The following PTPRD variants were observed in gnomAD, a reference collection of about 807,000 sequenced individuals.
PTPRD encodes the protein protein tyrosine phosphatase receptor type D.
A neutral mutation model predicts 214.5 loss-of-function variants in PTPRD; 34 were observed. The ratio of observed to expected loss-of-function variants is 0.16; its 90% CI spans 0.12 to 0.21. The LOEUF is 0.21. PTPRD is among the 10% of genes least tolerant of loss of function. The pLI is 1.00. For missense variants in PTPRD, 2,545 were observed against 2,398.7 expected (o/e 1.06, Z -1.27); for synonymous variants, 1,128 against 845.7 (o/e 1.33, Z -5.79).
At chr9:9,811,096 G>C (rs1033780005) in intron 5 of PTPRD, among the ~76,000 whole-genome samples, 2 of 151,966 alleles carry the variant, frequency 1.3e-5, no homozygotes, top group African/African-American at 4.8e-5. Context: ...AAATTAGCTG[G>C]GCATGGTGGT....
At chr9:9,728,097 G>A (rs940812680) in intron 7 of PTPRD, among the ~76,000 whole-genome samples, 1 of 151,914 alleles carries the variant, frequency 6.6e-6, no homozygotes, top group African/African-American at 2.4e-5. Flanking sequence ...TCCTCTTTTT[G>A]CTTGGCTCCC....
At chr9:8,856,212 ATC>A (rs1555437152) in intron 11 of PTPRD, among the ~76,000 whole-genome samples, 1 of 4,982 alleles carries the variant, frequency 2.0e-4, no homozygotes, top group Non-Finnish European at 0.01. Context: ...TTAAGTTATT[ATC>A]TCTACAGATC....
chr9:9,256,634 G>T (rs569578461), intron 9 of PTPRD, among the ~76,000 whole-genome samples: 3 of 151,766 alleles, frequency 2.0e-5, no homozygotes, highest in Non-Finnish European at 2.9e-5. Context: ...TCCTAGCCTC[G>T]GTTCTTTCTA....
intron 32 of PTPRD, among the ~76,000 whole-genome samples, chr9:8,465,189 C>T (rs77973106): frequency 0.021 from 3,167 of 152,002 alleles, 49 homozygotes; most frequent in Non-Finnish European, 0.033. Context: ...ATTTGTGTTA[C>T]ATCAGAAGGT....
chr9:9,186,022 C>G (rs1399700448), intron 9 of PTPRD, among the ~76,000 whole-genome samples: 1 of 151,912 alleles, frequency 6.6e-6, no homozygotes, highest in African/African-American at 2.4e-5. Flanking sequence ...CCTTTCTAAG[C>G]CATGCATAAT....
At chr9:9,802,136 T>C (rs1425551583) in intron 5 of PTPRD, among the ~76,000 whole-genome samples, 1 of 152,048 alleles carries the variant, frequency 6.6e-6, no homozygotes, top group African/African-American at 2.4e-5. Context: ...CTTGAATTGG[T>C]GCAGACACAG....
intron 9 of PTPRD, among the ~76,000 whole-genome samples, chr9:9,275,066 T>TAATATATA (rs372180743): frequency 4.1e-5 from 3 of 73,040 alleles, no homozygotes; most frequent in Non-Finnish European, 7.3e-5. Context: ...TATATATATA[T>TAATATATA]TATATATATA....
In PTPRD at chr9:10,332,335, G is replaced by A. The variant is rs77506994; in HGVS notation, c.-545+8628C>T. 3.3e-3 allele frequency among the ~76,000 whole-genome samples: 499 copies of A among 151,894 alleles called. 3 individuals carry two copies. Among genetic ancestry groups the A allele is most frequent in the African/African-American group, 0.011 (470 of 41,512 alleles). On this transcript the variant is annotated intron_variant, in intron 3 of 45. Coordinates refer to ENST00000381196, the MANE Select transcript of PTPRD (RefSeq NM_002839.4). ...AGAATTTCAACAGGGTTTCGAAGAGGAGAGCAAAGAGGCTTGACATTCAGC... is the reference window on the plus strand; with the variant it reads ...AGAATTTCAACAGGGTTTCGAAGAGAAGAGCAAAGAGGCTTGACATTCAGC...
chr9:10,303,081 C>T (rs1167249862), intron 3 of PTPRD, among the ~76,000 whole-genome samples: 2 of 152,182 alleles, frequency 1.3e-5, no homozygotes, highest in Non-Finnish European at 2.9e-5. Flanking sequence ...ACAGTGCAAT[C>T]AAGTTAGAAC....
chr9:10,322,476 G>C (rs1224938468), intron 3 of PTPRD, among the ~76,000 whole-genome samples: 1 of 151,934 alleles, frequency 6.6e-6, no homozygotes, highest in Non-Finnish European at 1.5e-5. Context: ...ATAATATACA[G>C]TGATTTTAGG....
chr9:9,012,010 T>A (rs1481649153), intron 11 of PTPRD, among the ~76,000 whole-genome samples: 1 of 152,186 alleles, frequency 6.6e-6, no homozygotes. Context: ...CACCTTGCTA[T>A]CAGTCTGGTA....
In PTPRD at chr9:10,425,847, A is replaced by T. The variant is rs550616747; in HGVS notation, c.-599-84830T>A. Among the ~76,000 whole-genome samples, 3 of 152,084 alleles carry T rather than the reference A, an allele frequency of 2.0e-5. No individual in the cohort carries two copies. The South Asian group carries it at 6.2e-4, about 32-fold the overall frequency. ...TAAAATATATTAAAACACATGCTGT[A>T]CATGTGATTATATTCATAAGTCATA... On this transcript the variant is annotated intron_variant, in intron 2 of 45. Transcript: ENST00000381196.
intron 3 of PTPRD, among the ~76,000 whole-genome samples, chr9:10,041,253 T>C (rs1210356048): frequency 6.6e-6 from 1 of 151,980 alleles, no homozygotes; most frequent in Non-Finnish European, 1.5e-5. Context: ...ATTGAGGTAG[T>C]TTGAAATTAT....
At chr9:10,399,390 C>G (rs936196854) in intron 2 of PTPRD, among the ~76,000 whole-genome samples, 1 of 151,904 alleles carries the variant, frequency 6.6e-6, no homozygotes, top group African/African-American at 2.4e-5. Flanking sequence ...AGAAATACAA[C>G]ATTAACATTA....
intron 5 of PTPRD, among the ~76,000 whole-genome samples, chr9:9,850,784 C>G (rs1010007363): frequency 6.6e-6 from 1 of 152,180 alleles, no homozygotes; most frequent in Middle Eastern, 3.4e-3. Context: ...TTTATACCTT[C>G]TAACCAAAAT....
chr9:8,760,674 C>T (rs2094358163), intron 11 of PTPRD, among the ~76,000 whole-genome samples: 1 of 151,622 alleles, frequency 6.6e-6, no homozygotes, highest in Non-Finnish European at 1.5e-5. Flanking sequence ...CCTAGTCTGG[C>T]TAGCAGAGCT....
intron 3 of PTPRD, among the ~76,000 whole-genome samples, chr9:10,238,457 T>A (rs1242255086): frequency 6.6e-6 from 1 of 151,972 alleles, no homozygotes; most frequent in Non-Finnish European, 1.5e-5. Flanking sequence ...CTTCTCCTTG[T>A]TCTTTGGACA....
intron 12 of PTPRD, among the ~76,000 whole-genome samples, chr9:8,650,717 C>T (rs1165721964): frequency 6.6e-6 from 1 of 152,078 alleles, no homozygotes; most frequent in East Asian, 1.9e-4. Context: ...AGATCATATT[C>T]TAAGTTTATA....
chr9:9,511,849 A>C (rs76823657), intron 8 of PTPRD, among the ~76,000 whole-genome samples: 1,876 of 151,888 alleles, frequency 0.012, 36 homozygotes, highest in African/African-American at 0.043. Context: ...AGCCAAAGTT[A>C]AACTATTTCC....
Sources: gnomAD v4.1 joint callset for allele counts (sites outside exome capture counted in the v4.1 genomes callset) on GRCh38, gnomAD v4.1.1 for gene constraint, MANE v1.5 for transcripts, NCBI Gene and HGNC (gene_info 2026-07-23, HGNC 2026-07-21) for gene names.